The following CNTLN variants were observed in gnomAD, a reference collection of about 807,000 sequenced individuals.
CNTLN encodes centlein, also known as centlein, centrosomal protein.
In CNTLN, 212 loss-of-function variants were observed where a neutral mutation model predicts 180.0. The ratio of observed to expected loss-of-function variants is 1.18; its 90% CI spans 1.05 to 1.32. CNTLN has a LOEUF of 1.32. Ranked by LOEUF, CNTLN falls within the 40% of genes most tolerant of loss-of-function variation. The pLI, the probability that CNTLN is intolerant of heterozygous loss-of-function variation, is 0.00. For missense variants in CNTLN, 2,095 were observed against 1,610.9 expected (o/e 1.30, Z -5.14); for synonymous variants, 722 against 563.1 (o/e 1.28, Z -3.99).
chr9:17,199,797 C>G (rs1299181036), intron 2 of CNTLN, among the ~76,000 whole-genome samples: 1 of 152,040 alleles, frequency 6.6e-6, no homozygotes, highest in African/African-American at 2.4e-5. Context: ...GTTGCCTGTT[C>G]ATTCTGATGA....
At chr9:17,201,373 C>A (rs530197311) in intron 2 of CNTLN, among the ~76,000 whole-genome samples, 10 of 152,286 alleles carry the variant, frequency 6.6e-5, no homozygotes, top group African/African-American at 2.4e-4. Context: ...AGGAGTCCCT[C>A]TTTTTCTATT....
At position 17,234,397 on chromosome 9, in the gene CNTLN, T is replaced by C. The variant is rs77573304; in HGVS notation, c.535-1261T>C. On this transcript the variant is annotated intron_variant, in intron 3 of 25. Transcript: ENST00000380647. ...GTTCGAGGCTGCCGTGAGCCATGATTGTGCCACTGCACTCCAGAGTGGGTG... is the reference window on the plus strand; with the variant it reads ...GTTCGAGGCTGCCGTGAGCCATGATCGTGCCACTGCACTCCAGAGTGGGTG... 7.3e-3 allele frequency among the ~76,000 whole-genome samples: 1,117 copies of C among 152,104 alleles called. 10 individuals carry two copies. Among genetic ancestry groups the C allele is most frequent in the East Asian group, 0.043 (224 of 5,152 alleles).
chr9:17,513,192 A>G, the CNTLN span, among the ~76,000 whole-genome samples: 7 of 152,184 alleles, frequency 4.6e-5, no homozygotes, highest in Non-Finnish European at 8.8e-5. Context: ...TTTAATAACA[A>G]TTTTGACTCT....
At chr9:17,156,494 A>G (rs997109861) in intron 2 of CNTLN, among the ~76,000 whole-genome samples, 2 of 151,944 alleles carry the variant, frequency 1.3e-5, no homozygotes, top group African/African-American at 4.8e-5. Flanking sequence ...TTCCTCTTCC[A>G]TCTTTCTCTT....
At chr9:17,466,247 GA>G (rs1310446728) in intron 22 of CNTLN, 129 bp downstream of exon 22, 1 of 697,566 alleles carries the variant, frequency 1.4e-6, no homozygotes, top group African/African-American at 1.9e-5. Flanking sequence ...GTGCAAAGAG[GA>G]TTTGTATCTC....
At chr9:17,192,699 G>A (rs1039834311) in intron 2 of CNTLN, among the ~76,000 whole-genome samples, 2 of 152,118 alleles carry the variant, frequency 1.3e-5, no homozygotes, top group Non-Finnish European at 2.9e-5. Flanking sequence ...ACTACCTAAG[G>A]GGAGAATTAG....
chr9:17,182,599 G>A lies in CNTLN; in HGVS notation c.449+39223G>A, dbSNP rs868842636. Among the ~76,000 whole-genome samples the A allele has an allele frequency of 1.5e-4, 23 of 152,174 alleles. 1 individual carries two copies. The highest frequency in any genetic ancestry group is 2.5e-4 in the Non-Finnish European group (17 of 68,008). On this transcript the variant is annotated intron_variant, in intron 2 of 25. Transcript: ENST00000380647. ...CATTGTATTTGGTGAGTTAATTGAA[G>A]TAGGTAACTTGACATTGTTGACATT...
intron 2 of CNTLN, among the ~76,000 whole-genome samples, chr9:17,201,819 CA>C (rs1350444576): frequency 6.6e-6 from 1 of 151,384 alleles, no homozygotes; most frequent in African/African-American, 2.4e-5. Context: ...AAGGGTTTTT[CA>C]GGTCTCTGTC....
intron 7 of CNTLN, among the ~76,000 whole-genome samples, chr9:17,302,488 T>G (rs1470047828): frequency 2.6e-5 from 4 of 152,160 alleles, no homozygotes; most frequent in African/African-American, 7.2e-5. Flanking sequence ...TGTGAGCCAC[T>G]GTGCCTGGCC....
intron 5 of CNTLN, among the ~76,000 whole-genome samples, chr9:17,250,425 T>A (rs1434878368): frequency 6.6e-6 from 1 of 152,054 alleles, no homozygotes; most frequent in African/African-American, 2.4e-5. Flanking sequence ...GCTTTTTATG[T>A]CTCTCATTTC....
intron 12 of CNTLN, among the ~76,000 whole-genome samples, chr9:17,359,717 T>TAAAAA (rs1456379699): frequency 2.7e-3 from 37 of 13,486 alleles, no homozygotes; most frequent in East Asian, 0.012. Context: ...CCGTCTATAC[T>TAAAAA]AAAAATACAA....
intron 13 of CNTLN, among the ~76,000 whole-genome samples, chr9:17,387,947 GAA>G (rs34567309): frequency 0.46 from 65,032 of 141,768 alleles, 16,898 homozygotes; most frequent in Non-Finnish European, 0.59. Context: ...ATCTTATACT[GAA>G]AAAAAAAAAA....
chr9:17,283,150 T>G (rs937981899), intron 6 of CNTLN, among the ~76,000 whole-genome samples: 4 of 152,208 alleles, frequency 2.6e-5, no homozygotes, highest in Admixed American at 1.3e-4. Context: ...TTAATAGGAA[T>G]AGCATTGAAT....
At chr9:17,203,502 C>G (rs1015256684) in intron 2 of CNTLN, among the ~76,000 whole-genome samples, 3 of 152,002 alleles carry the variant, frequency 2.0e-5, no homozygotes, top group Admixed American at 6.6e-5. Context: ...CACATAGTGC[C>G]CTAATTCTTG....
chr9:17,343,655 T>C (rs1297986311), intron 12 of CNTLN, among the ~76,000 whole-genome samples: 1 of 152,180 alleles, frequency 6.6e-6, no homozygotes, highest in Non-Finnish European at 1.5e-5. Flanking sequence ...TTCCTAATAA[T>C]TTCAGTAGCT....
At chr9:17,507,941 A>G (rs919388644), downstream of CNTLN, among the ~76,000 whole-genome samples, 19 of 152,210 alleles carry the variant, frequency 1.2e-4, no homozygotes, top group African/African-American at 4.3e-4. Flanking sequence ...GGGATAATTT[A>G]AAAGAAGGTG....
At chr9:17,453,518 G>T (rs1484587205) in intron 18 of CNTLN, among the ~76,000 whole-genome samples, 2 of 151,948 alleles carry the variant, frequency 1.3e-5, no homozygotes, top group Non-Finnish European at 2.9e-5. Flanking sequence ...AAAAAATCAG[G>T]ACCCATATTA....
chr9:17,238,720 AATTT>A (rs1466003693), intron 5 of CNTLN, among the ~76,000 whole-genome samples: 1 of 152,172 alleles, frequency 6.6e-6, no homozygotes, highest in Non-Finnish European at 1.5e-5. Context: ...TTCTCTTAGT[AATTT>A]ATCTTTTATT....
chr9:17,370,570 TAAATC>T (rs1461585919), intron 13 of CNTLN, among the ~76,000 whole-genome samples: 3 of 152,120 alleles, frequency 2.0e-5, no homozygotes, highest in South Asian at 2.1e-4. Flanking sequence ...ATGGAATACT[TAAATC>T]AGAAAAAGGA....
Sources: gnomAD v4.1 joint callset for allele counts (sites outside exome capture counted in the v4.1 genomes callset) on GRCh38, gnomAD v4.1.1 for gene constraint, MANE v1.5 for transcripts, NCBI Gene and HGNC (gene_info 2026-07-23, HGNC 2026-07-21) for gene names.